The following KIF26B variants were observed in gnomAD, a reference collection of about 807,000 sequenced individuals.
KIF26B encodes the protein kinesin-like protein KIF26B.
In KIF26B, 63 loss-of-function variants were observed where a neutral mutation model predicts 151.2. The observed-to-expected ratio is 0.42, with a 90% confidence interval of 0.34 to 0.51. The LOEUF (loss-of-function observed/expected upper bound fraction) is 0.51, where lower values mean the gene tolerates loss of function less well. Among genes scored for constraint, KIF26B ranks in the 20% least tolerant of loss-of-function variants. The pLI, the probability that KIF26B is intolerant of heterozygous loss-of-function variation, is 0.07. For missense variants in KIF26B, 2,813 were observed against 2,913.6 expected (o/e 0.97, Z 0.79); for synonymous variants, 1,357 against 1,262.1 (o/e 1.08, Z -1.59).
At chr1:245,198,888 G>A (rs1316714587) in intron 2 of KIF26B, among the ~76,000 whole-genome samples, 1 of 147,730 alleles carries the variant, frequency 6.8e-6, no homozygotes, top group Non-Finnish European at 1.5e-5. Context: ...TGTAGACCGG[G>A]GGGTCAGGAA....
chr1:245,621,994 C>A lies in KIF26B; in HGVS notation c.2098+10018C>A, dbSNP rs149711007. 1.1e-3 allele frequency among the ~76,000 whole-genome samples: 171 copies of A among 152,336 alleles called. 1 individual carries two copies. Among genetic ancestry groups the A allele is most frequent in the African/African-American group, 3.9e-3 (163 of 41,590 alleles). On this transcript the variant is annotated intron_variant, in intron 9 of 14. Transcript: ENST00000407071. ...CTACATGTACATTATCCATTTTATTCCATTACATCAAATGGACTGTTAGAG... is the reference window on the plus strand; with the variant it reads ...CTACATGTACATTATCCATTTTATTACATTACATCAAATGGACTGTTAGAG...
intron 4 of KIF26B, among the ~76,000 whole-genome samples, chr1:245,472,816 C>T (rs1659944221): frequency 6.6e-6 from 1 of 152,188 alleles, no homozygotes; most frequent in Admixed American, 6.5e-5. Context: ...GTTCCCCAGG[C>T]CTGCATGGAC....
Position 245,667,796 on chromosome 1 carries a change from C to T in KIF26B, c.2259-16437C>T, listed in dbSNP as rs956371529. ...TGAAAAGCTCTGAGATGTTTTGAAG[C>T]TAAAACAGACAAACAAAAGGGACCA... is the stretch of plus-strand genomic sequence containing the variant. On this transcript the variant is annotated intron_variant, in intron 10 of 14. Coordinates refer to ENST00000407071, the MANE Select transcript of KIF26B (RefSeq NM_018012.4). The surrounding 1 kb of genome is among the most constrained non-coding windows in gnomAD (Gnocchi z 4.3). Among the ~76,000 whole-genome samples, 1 of 152,152 alleles carries T rather than the reference C, an allele frequency of 6.6e-6. No individual in the cohort carries two copies. Among genetic ancestry groups the T allele is most frequent in the African/African-American group, 2.4e-5 (1 of 41,422 alleles).
chr1:245,204,132 G>A (rs141192283), intron 2 of KIF26B, among the ~76,000 whole-genome samples: 3 of 152,240 alleles, frequency 2.0e-5, no homozygotes, highest in East Asian at 1.9e-4. Context: ...TGTCCTGCAC[G>A]GCTCAGGTGG....
chr1:245,661,452 A>T (rs1385603018), intron 10 of KIF26B, among the ~76,000 whole-genome samples: 1 of 151,948 alleles, frequency 6.6e-6, no homozygotes, highest in African/African-American at 2.4e-5. Context: ...CCTTCTGAGG[A>T]CGCTGAGGAA....
At chr1:245,472,254 G>A (rs894093126) in intron 4 of KIF26B, among the ~76,000 whole-genome samples, 3 of 152,208 alleles carry the variant, frequency 2.0e-5, no homozygotes, top group Admixed American at 6.5e-5. Flanking sequence ...CGCCTTGCCC[G>A]TGGGAGGTTC....
At chr1:245,588,581 T>C (rs2043252298) in intron 5 of KIF26B, among the ~76,000 whole-genome samples, 1 of 152,190 alleles carries the variant, frequency 6.6e-6, no homozygotes, top group Admixed American at 6.5e-5. Context: ...TCCAACAAGA[T>C]GGCAGCAGGA....
chr1:245,673,095 C>T (rs1237600717), intron 10 of KIF26B, among the ~76,000 whole-genome samples: 2 of 147,080 alleles, frequency 1.4e-5, no homozygotes, highest in South Asian at 2.2e-4. Flanking sequence ...TGGGCGCTGC[C>T]ATCTTAGGCC....
At chr1:245,254,090 G>A (rs572137158) in intron 2 of KIF26B, among the ~76,000 whole-genome samples, 2 of 152,126 alleles carry the variant, frequency 1.3e-5, no homozygotes, top group South Asian at 2.1e-4. Flanking sequence ...GATTACAGGC[G>A]TGAGCCACTG....
At chr1:245,315,431 A>G (rs531839681) in intron 2 of KIF26B, among the ~76,000 whole-genome samples, 1 of 150,382 alleles carries the variant, frequency 6.6e-6, no homozygotes, top group South Asian at 2.1e-4. Flanking sequence ...TCTGTAAAAG[A>G]AAAAAAAAGG....
At chr1:245,657,734 A>G (rs1433696674) in intron 10 of KIF26B, among the ~76,000 whole-genome samples, 1 of 152,020 alleles carries the variant, frequency 6.6e-6, no homozygotes, top group East Asian at 1.9e-4. Context: ...TCACTCATTC[A>G]TTCATTCAAT....
chr1:245,467,853 C>A (rs1468861863), intron 4 of KIF26B, among the ~76,000 whole-genome samples: 1 of 151,036 alleles, frequency 6.6e-6, no homozygotes, highest in African/African-American at 2.4e-5. Flanking sequence ...TGAGATCTTG[C>A]CACTGCATTC....
At chr1:245,362,579 G>C (rs953458068) in intron 2 of KIF26B, among the ~76,000 whole-genome samples, 12 of 151,508 alleles carry the variant, frequency 7.9e-5, no homozygotes, top group African/African-American at 2.7e-4. Context: ...TAGCATCCCC[G>C]AGCTGGCATG....
chr1:245,385,290 T>G (rs1482224644), intron 3 of KIF26B, among the ~76,000 whole-genome samples: 1 of 152,262 alleles, frequency 6.6e-6, no homozygotes, highest in African/African-American at 2.4e-5. Flanking sequence ...AACAGCTAAC[T>G]AATAGACTAA....
In KIF26B at chr1:245,218,175, C is replaced by T. The variant is rs1669686127; in HGVS notation, c.465+61492C>T. 6.6e-6 allele frequency among the ~76,000 whole-genome samples: 1 copy of T among 152,172 alleles called. No homozygotes were observed. Among genetic ancestry groups the T allele is most frequent in the Admixed American group, 6.5e-5 (1 of 15,280 alleles). On this transcript the variant is annotated intron_variant, in intron 2 of 14. Coordinates refer to ENST00000407071, the MANE Select transcript of KIF26B (RefSeq NM_018012.4). The surrounding 1 kb of genome is among the most constrained non-coding windows in gnomAD (Gnocchi z 4.1). ...GGCCCCAGAACTCAGGCTGGGAATCCCAGGGGCTACTCCAGCTTTCATGTC... is the reference window on the plus strand; with the variant it reads ...GGCCCCAGAACTCAGGCTGGGAATCTCAGGGGCTACTCCAGCTTTCATGTC...
chr1:245,377,579 C>T (rs185699293), intron 3 of KIF26B, among the ~76,000 whole-genome samples: 2 of 152,310 alleles, frequency 1.3e-5, no homozygotes, highest in East Asian at 3.9e-4. Flanking sequence ...ATTACATCTT[C>T]AAAGACCCTA....
chr1:245,214,934 G>A (rs963782249), intron 2 of KIF26B, among the ~76,000 whole-genome samples: 2 of 152,222 alleles, frequency 1.3e-5, no homozygotes, highest in East Asian at 1.9e-4. Context: ...AGTAGTCAGA[G>A]TTAAGAAGAG....
intron 2 of KIF26B, among the ~76,000 whole-genome samples, chr1:245,228,537 C>G (rs1473317765): frequency 6.6e-6 from 1 of 150,936 alleles, no homozygotes; most frequent in African/African-American, 2.4e-5. Flanking sequence ...CCACACTCCA[C>G]CCTGGGCAAC....
At chr1:245,583,003 T>C (rs2043190890) in intron 5 of KIF26B, among the ~76,000 whole-genome samples, 2 of 152,160 alleles carry the variant, frequency 1.3e-5, no homozygotes, top group South Asian at 2.1e-4. Context: ...TTCAGACACA[T>C]GCAACCCAGC....
Sources: allele counts gnomAD v4.1 joint callset (sites outside exome capture counted in the v4.1 genomes callset), GRCh38; gene constraint gnomAD v4.1.1; non-coding constraint Gnocchi (gnomAD v3.1); transcripts MANE v1.5; gene names NCBI Gene and HGNC (gene_info 2026-07-23, HGNC 2026-07-21).